The following CFAP52 variants were observed in gnomAD, a reference collection of about 807,000 sequenced individuals.
CFAP52 encodes the protein cilia- and flagella-associated protein 52.
A neutral mutation model predicts 70.5 loss-of-function variants in CFAP52; 57 were observed. The observed-to-expected ratio is 0.81, with a 90% CI of 0.65 to 1.01. The LOEUF is 1.01. CFAP52 is among the 50% of genes least tolerant of loss of function. The pLI, the probability that CFAP52 is intolerant of heterozygous loss-of-function variation, is 0.00. For missense variants in CFAP52, 785 were observed against 788.5 expected (o/e 1.00, Z 0.05); for synonymous variants, 267 against 292.5 (o/e 0.91, Z 0.89).
intron 8 of CFAP52, among the ~76,000 whole-genome samples, chr17:9,621,941 A>C (rs1324381162): frequency 6.6e-6 from 1 of 151,212 alleles, no homozygotes; most frequent in African/African-American, 2.4e-5. Flanking sequence ...CCAGCATGGC[A>C]CATGTATACA....
rs528937581 is a variant in CFAP52, at chr17:9,624,457, A to G, written c.1026-4215A>G. On this transcript the variant is annotated intron_variant, in intron 8 of 13. Coordinates refer to ENST00000352665, the MANE Select transcript of CFAP52 (RefSeq NM_145054.5). ...CAATCTGTCATTGAGTCCACCTAGT[A>G]AATTTATTTTAGTTATTGTACTTCT... 2.6e-5 allele frequency among the ~76,000 whole-genome samples: 4 copies of G among 152,174 alleles called. No homozygotes were observed. The East Asian group carries it at 7.7e-4, about 29-fold the overall frequency.
chr17:9,629,475 C>CTTTCTTTCTTTCTTTCTTTCTTTTCT (rs1910363197), intron 9 of CFAP52, among the ~76,000 whole-genome samples: 1 of 108,572 alleles, frequency 9.2e-6, no homozygotes, highest in Non-Finnish European at 1.9e-5. Flanking sequence ...CTTTCTTTCC[C>CTTTCTTTCTTTCTTTCTTTCTTTTCT]TTTCTTTCTT....
intron 6 of CFAP52, among the ~76,000 whole-genome samples, chr17:9,604,835 TG>T (rs1363842341): frequency 7.9e-5 from 12 of 151,642 alleles, no homozygotes; most frequent in Admixed American, 7.9e-4. Flanking sequence ...AGTAAGCATA[TG>T]GAAAGATACT....
chr17:9,581,439 T>C (rs775197198), intron 1 of CFAP52, among the ~76,000 whole-genome samples: 3 of 152,196 alleles, frequency 2.0e-5, no homozygotes, highest in Non-Finnish European at 4.4e-5. Flanking sequence ...ATGTCAAAGA[T>C]ATATTAAGTA....
intron 1 of CFAP52, among the ~76,000 whole-genome samples, chr17:9,579,017 G>C (rs1026825872): frequency 6.6e-6 from 1 of 152,162 alleles, no homozygotes; most frequent in African/African-American, 2.4e-5. Context: ...TTCCGTCAAG[G>C]CTGGGAACTC....
chr17:9,578,190 T>G (rs1908051451), intron 1 of CFAP52, among the ~76,000 whole-genome samples: 2 of 152,244 alleles, frequency 1.3e-5, no homozygotes, highest in Non-Finnish European at 2.9e-5. Flanking sequence ...ACATGTGTAT[T>G]GAACAAACAT....
chr17:9,592,996 A>G (rs556561741), intron 3 of CFAP52, among the ~76,000 whole-genome samples: 2 of 152,294 alleles, frequency 1.3e-5, no homozygotes, highest in East Asian at 1.9e-4. Context: ...ACTGTGGAAA[A>G]GGGAGAATTT....
At chr17:9,577,949 G>A (rs867570673) in intron 1 of CFAP52, among the ~76,000 whole-genome samples, 2 of 152,078 alleles carry the variant, frequency 1.3e-5, no homozygotes, top group East Asian at 1.9e-4. Context: ...AAAATTATCC[G>A]GGCGTGGTGG....
At chr17:9,600,267 A>C (rs1191282628) in intron 6 of CFAP52, 84 bp downstream of exon 6, 2 of 1,150,898 alleles carry the variant, frequency 1.7e-6, no homozygotes, top group Non-Finnish European at 2.6e-6. Flanking sequence ...TTTGAGATGC[A>C]GTCTTGTTCT....
intron 9 of CFAP52, 132 bp downstream of exon 9, chr17:9,628,952 C>T (rs1567633934): frequency 6.1e-6 from 8 of 1,320,398 alleles, no homozygotes; most frequent in Non-Finnish European, 8.3e-6. Context: ...CTTCTTGCTT[C>T]TAATCTAGCC....
At position 9,577,637 on chromosome 17, in the gene CFAP52, GTTTAAC is replaced by G. The variant is rs1445913217; in HGVS notation, c.70+879_70+884del. Among the ~76,000 whole-genome samples the G allele has an allele frequency of 5.9e-5, 9 of 152,300 alleles. No individual in the cohort carries two copies. In the East Asian group the frequency reaches 1.2e-3, roughly 20 times the overall value. ...TCTAGGACTTAGCTCTTGACTCTTG[GTTTAAC>G]TTTAACAGTCTCCAATAGAAAGTGA... On this transcript the variant is annotated intron_variant, in intron 1 of 13. Transcript: ENST00000352665.
Position 9,643,003 on chromosome 17 carries a change from T to C in CFAP52, c.1688-20T>C, listed in dbSNP as rs751435752. 2 of 1,583,678 alleles carry C rather than the reference T, an allele frequency of 1.3e-6. No homozygotes were observed. Among genetic ancestry groups the C allele is most frequent in the Non-Finnish European group, 1.7e-6 (2 of 1,164,450 alleles). On this transcript the variant is annotated intron_variant, in intron 13 of 13. Coordinates refer to ENST00000352665, the MANE Select transcript of CFAP52 (RefSeq NM_145054.5). ...TCTCTCCTATTGCAGCAATGCCATA[T>C]ACGTGTTTATCTTTTTCAGGTGGAA...
At chr17:9,625,275 A>G (rs545574845) in intron 8 of CFAP52, among the ~76,000 whole-genome samples, 1 of 152,056 alleles carries the variant, frequency 6.6e-6, no homozygotes, top group African/African-American at 2.4e-5. Flanking sequence ...CCCCCCATAC[A>G]TATATAATTT....
At chr17:9,607,979 CT>C (rs1909562270) in intron 6 of CFAP52, 139 bp from the exon 7 acceptor site, 3 of 587,016 alleles carry the variant, frequency 5.1e-6, no homozygotes, top group Admixed American at 3.4e-5. Context: ...CAGCTTTTTT[CT>C]TTTTTTCATT....
intron 3 of CFAP52, among the ~76,000 whole-genome samples, chr17:9,588,864 A>G (rs1597766431): frequency 6.9e-6 from 1 of 145,912 alleles, no homozygotes; most frequent in South Asian, 2.2e-4. Context: ...TCCGCCTCCC[A>G]GGTTCAAGCA....
At chr17:9,599,744 C>CA (rs1327261768) in intron 5 of CFAP52, among the ~76,000 whole-genome samples, 4 of 147,210 alleles carry the variant, frequency 2.7e-5, no homozygotes, top group Non-Finnish European at 6.0e-5. Context: ...TTTTCTTCTT[C>CA]TTTTTTTTTT....
intron 9 of CFAP52, among the ~76,000 whole-genome samples, chr17:9,632,612 G>A (rs565043039): frequency 1.3e-5 from 2 of 149,832 alleles, no homozygotes; most frequent in East Asian, 3.9e-4. Flanking sequence ...TAAAGCTGGT[G>A]GAAATTGTTG....
Position 9,594,321 on chromosome 17 carries a change from A to G in CFAP52, c.536A>G (p.Asn179Ser). ...GATGAGATGTTTATGACTGCTGGAA[A>G]GTATGTGTCTGCGTTCGGAGTTTTC... ...CRDEMFMTAG[N>S]GTIRVWELDL... The change falls in exon 4 of 14, where the codon AAT becomes AGT. Residue 179 changes from asparagine to serine, a missense_variant and splice_region_variant. Asn to Ser is a conservative substitution (Grantham distance 46). Transcript: ENST00000352665. The G allele has an allele frequency of 6.2e-7, 1 of 1,610,720 alleles. No homozygotes were observed. The highest frequency in any genetic ancestry group is 1.1e-5 in the South Asian group (1 of 90,504).
At chr17:9,597,086 C>A (rs932441657) in intron 4 of CFAP52, among the ~76,000 whole-genome samples, 1 of 152,262 alleles carries the variant, frequency 6.6e-6, no homozygotes. Flanking sequence ...CACCCCCAGT[C>A]TCTGATAACC....
Sources: allele counts gnomAD v4.1 joint callset (sites outside exome capture counted in the v4.1 genomes callset), GRCh38; gene constraint gnomAD v4.1.1; transcripts MANE v1.5; gene names NCBI Gene and HGNC (gene_info 2026-07-23, HGNC 2026-07-21).